The following RBFOX1 variants were observed in gnomAD, a reference collection of about 807,000 sequenced individuals.
RBFOX1 encodes RNA binding protein fox-1 homolog 1.
RBFOX1 carries 8 observed loss-of-function variants against 57.7 expected under a neutral mutation model. The ratio of observed to expected loss-of-function variants is 0.14; its 90% confidence interval spans 0.08 to 0.25. The LOEUF is 0.25. Ranked by LOEUF, RBFOX1 falls within the 10% of genes least tolerant of loss-of-function variation. RBFOX1 has a pLI of 1.00. For synonymous variants in RBFOX1, 326 were observed against 222.4 expected, an observed-to-expected ratio of 1.47 and a Z score of -4.15; for missense variants, 611 against 548.5, an observed-to-expected ratio of 1.11 and a Z score of -1.14.
chr16:5,977,781 C>A (rs1336545264), intron 4 of RBFOX1, among the ~76,000 whole-genome samples: 1 of 152,104 alleles, frequency 6.6e-6, no homozygotes, highest in Non-Finnish European at 1.5e-5. Context: ...CTGTCCCGAT[C>A]TGTATTAAGA....
At chr16:6,727,983 T>G (rs1299259574) in intron 3 of RBFOX1, among the ~76,000 whole-genome samples, 4 of 152,238 alleles carry the variant, frequency 2.6e-5, no homozygotes, top group African/African-American at 7.2e-5. Flanking sequence ...TCTCTTTAAA[T>G]TCCCTATCTG....
intron 4 of RBFOX1, among the ~76,000 whole-genome samples, chr16:5,975,266 G>T (rs927193619): frequency 6.6e-6 from 1 of 152,104 alleles, no homozygotes; most frequent in African/African-American, 2.4e-5. Flanking sequence ...TATCCTGCAC[G>T]GGATCTGCCT....
intron 3 of RBFOX1, among the ~76,000 whole-genome samples, chr16:6,928,053 G>T (rs749294061): frequency 6.6e-6 from 1 of 152,050 alleles, no homozygotes; most frequent in Non-Finnish European, 1.5e-5. Flanking sequence ...TCCCCAACTT[G>T]GGTTGAAGCC....
chr16:6,496,285 G>A (rs1386202904), intron 2 of RBFOX1, among the ~76,000 whole-genome samples: 3 of 152,178 alleles, frequency 2.0e-5, no homozygotes, highest in Non-Finnish European at 4.4e-5. Flanking sequence ...ATGGTGGTGT[G>A]ACCTAATATT....
At chr16:7,120,830 T>TAC (rs397836603) in intron 4 of RBFOX1, among the ~76,000 whole-genome samples, 1,570 of 86,570 alleles carry the variant, frequency 0.018, 26 homozygotes, top group African/African-American at 0.044. Flanking sequence ...TATGTATATA[T>TAC]ACACACACAC....
At chr16:7,373,505 G>C (rs181069899) in intron 4 of RBFOX1, among the ~76,000 whole-genome samples, 24 of 152,264 alleles carry the variant, frequency 1.6e-4, no homozygotes, top group Admixed American at 4.6e-4. Flanking sequence ...TTAATCTCCA[G>C]TCCCTTGTAA....
intron 12 of RBFOX1, 58 bp downstream of exon 12, chr16:7,654,005 C>G (rs1277992468): frequency 7.0e-7 from 1 of 1,435,644 alleles, no homozygotes; most frequent in Non-Finnish European, 9.1e-7. Context: ...TCCCCAGAGG[C>G]ACGGAGCTGT....
chr16:6,638,291 G>T (rs183862006), intron 2 of RBFOX1, among the ~76,000 whole-genome samples: 187 of 152,234 alleles, frequency 1.2e-3, no homozygotes, highest in Admixed American at 2.8e-3. Flanking sequence ...CTATGCTCAT[G>T]TAAGAATTAA....
At chr16:7,183,130 C>T (rs183312804) in intron 4 of RBFOX1, among the ~76,000 whole-genome samples, 1 of 152,118 alleles carries the variant, frequency 6.6e-6, no homozygotes, top group African/African-American at 2.4e-5. Context: ...CAGCTGGGAT[C>T]AGTATTCAAC....
chr16:5,857,132 G>C (rs924267381), intron 3 of RBFOX1, among the ~76,000 whole-genome samples: 5 of 152,112 alleles, frequency 3.3e-5, no homozygotes. Context: ...TCACTGACCT[G>C]ATTTCAGTAT....
chr16:6,739,224 C>G (rs1433899325), intron 3 of RBFOX1, among the ~76,000 whole-genome samples: 1 of 149,352 alleles, frequency 6.7e-6, no homozygotes, highest in African/African-American at 2.5e-5. Flanking sequence ...TGGCAAACTT[C>G]TAGTAGGGAT....
intron 14 of RBFOX1, among the ~76,000 whole-genome samples, chr16:7,707,454 A>T (rs987168342): frequency 2.6e-5 from 4 of 152,202 alleles, no homozygotes; most frequent in African/African-American, 9.6e-5. Context: ...GGGATGAGAG[A>T]CGAGCTGAAG....
At chr16:6,157,628 C>T (rs982977391) in intron 1 of RBFOX1, among the ~76,000 whole-genome samples, 20 of 151,998 alleles carry the variant, frequency 1.3e-4, no homozygotes, top group Non-Finnish European at 2.2e-4. Flanking sequence ...TATTTGTAAG[C>T]TTAATTTCTA....
chr16:6,960,979 A>AC (rs2153546520), intron 3 of RBFOX1, among the ~76,000 whole-genome samples: 1 of 118,400 alleles, frequency 8.4e-6, no homozygotes, highest in African/African-American at 3.0e-5. Flanking sequence ...AATACAAAAA[A>AC]AAAAAAAAAA....
chr16:5,871,577 A>G (rs1171077054), intron 4 of RBFOX1, among the ~76,000 whole-genome samples: 1 of 152,136 alleles, frequency 6.6e-6, no homozygotes, highest in East Asian at 1.9e-4. Context: ...AGAGAGAACG[A>G]AGTTACCTGG....
In RBFOX1 at chr16:6,475,833, A is replaced by G. The variant is rs753176138; in HGVS notation, c.-64+158776A>G. Reference sequence around the variant, plus strand: ...ACTGTATTGTGAGGAATATTTCAATAGGTCATTACCATAACTTCTAGCAGA... The same window carrying G: ...ACTGTATTGTGAGGAATATTTCAATGGGTCATTACCATAACTTCTAGCAGA... On this transcript the variant is annotated intron_variant, in intron 2 of 15. Coordinates refer to ENST00000550418, the MANE Select transcript of RBFOX1 (RefSeq NM_018723.4). 5.3e-4 allele frequency among the ~76,000 whole-genome samples: 81 copies of G among 152,338 alleles called. 1 individual carries two copies. Among genetic ancestry groups the G allele is most frequent in the Non-Finnish European group, 9.8e-4 (67 of 68,026 alleles).
At chr16:7,074,569 A>G (rs541620616) in intron 4 of RBFOX1, among the ~76,000 whole-genome samples, 1 of 149,806 alleles carries the variant, frequency 6.7e-6, no homozygotes, top group East Asian at 2.0e-4. Flanking sequence ...AAAAAGCCTC[A>G]GTGATTTATG....
At chr16:6,784,165 G>T (rs1488200362) in intron 3 of RBFOX1, among the ~76,000 whole-genome samples, 1 of 151,938 alleles carries the variant, frequency 6.6e-6, no homozygotes, top group South Asian at 2.1e-4. Flanking sequence ...TATTCACTGG[G>T]TTTGAAAAGT....
chr16:6,652,547 C>T (rs1165554271), intron 2 of RBFOX1, among the ~76,000 whole-genome samples: 4 of 152,032 alleles, frequency 2.6e-5, no homozygotes, highest in Non-Finnish European at 5.9e-5. Flanking sequence ...GAGGCATCTA[C>T]AAGCCAGGAA....
Sources: allele counts gnomAD v4.1 joint callset (sites outside exome capture counted in the v4.1 genomes callset), GRCh38; gene constraint gnomAD v4.1.1; transcripts MANE v1.5; gene names NCBI Gene and HGNC (gene_info 2026-07-23, HGNC 2026-07-21).